The following TPTE2 variants were observed in gnomAD, a reference collection of about 807,000 sequenced individuals.
The protein encoded by TPTE2 is transmembrane phosphoinositide 3-phosphatase and tensin homolog 2.
TPTE2 carries 53 observed loss-of-function variants against 78.6 expected under a neutral mutation model. The observed-to-expected ratio is 0.67, with a 90% CI of 0.54 to 0.85. The LOEUF (loss-of-function observed/expected upper bound fraction) is 0.85. Among genes scored for constraint, TPTE2 ranks in the 40% least tolerant of loss-of-function variants. TPTE2 has a pLI of 0.00. For synonymous variants in TPTE2, 175 were observed against 206.2 expected (o/e 0.85, Z 1.30); for missense variants, 461 against 623.0 (o/e 0.74, Z 2.77).
In TPTE2 at chr13:19,430,543, A is replaced by G. The variant is rs146438555; in HGVS notation, c.1227T>C (p.Asp409=). The stretch of plus-strand genomic sequence containing the variant: ...CTACTTGGACTTTTAGATCACATAC[A>G]TCACCTGTTCCAACAAAATGAAATT... The change falls in exon 17 of 20, where the codon GAT becomes GAC. Residue 409 remains aspartate, a synonymous_variant. Coordinates refer to ENST00000400230, the Ensembl canonical transcript of TPTE2. 1.2e-4 allele frequency: 194 copies of G among 1,609,928 alleles called. 1 individual carries two copies. The highest frequency in any genetic ancestry group is 8.0e-5 in the African/African-American group (6 of 74,726).
At chr13:19,557,702 G>A in the TPTE2 span, among the ~76,000 whole-genome samples, 1 of 152,124 alleles carries the variant, frequency 6.6e-6, no homozygotes, top group South Asian at 2.1e-4. Flanking sequence ...ACATTCCTAA[G>A]CAGGATCCAG....
intron 10 of TPTE2, 131 bp downstream of exon 13, chr13:19,464,325 C>A: frequency 1.1e-6 from 1 of 948,196 alleles, no homozygotes; most frequent in Non-Finnish European, 1.6e-6. Flanking sequence ...TGGTATCAAT[C>A]CATTATGATT....
upstream of TPTE2, among the ~76,000 whole-genome samples, chr13:19,504,055 TTA>T (rs1868823011): frequency 6.6e-6 from 1 of 152,048 alleles, no homozygotes; most frequent in African/African-American, 2.4e-5. Context: ...ATTGATTTAT[TTA>T]TGTCTCACAG....
chr13:19,523,959 G>A (rs188006147), intron 1 of TPTE2, among the ~76,000 whole-genome samples: 278 of 152,214 alleles, frequency 1.8e-3, no homozygotes, highest in Middle Eastern at 3.4e-3. Context: ...GGCTGCCTGC[G>A]GTAGCAAATA....
At chr13:19,446,448 T>C (rs1036481599) in intron 13 of TPTE2, among the ~76,000 whole-genome samples, 1 of 152,170 alleles carries the variant, frequency 6.6e-6, no homozygotes, top group African/African-American at 2.4e-5. Flanking sequence ...GACAATTGGC[T>C]ATCTATATGA....
chr13:19,547,147 G>A, the TPTE2 span, among the ~76,000 whole-genome samples: 4 of 151,560 alleles, frequency 2.6e-5, no homozygotes, highest in African/African-American at 9.7e-5. Context: ...TATGGCAAAA[G>A]CATTCTCAAC....
chr13:19,497,044 C>A (rs375137082), intron 1 of TPTE2, among the ~76,000 whole-genome samples: 28 of 152,252 alleles, frequency 1.8e-4, no homozygotes, highest in African/African-American at 6.7e-4. Context: ...TGACAGACGG[C>A]ACCTGGAAAA....
intron 17 of TPTE2, among the ~76,000 whole-genome samples, chr13:19,429,207 C>T (rs1876370195): frequency 6.6e-6 from 1 of 152,184 alleles, no homozygotes; most frequent in Admixed American, 6.5e-5. Context: ...GGATTCTATA[C>T]ATTGCATTAT....
intron 1 of TPTE2, among the ~76,000 whole-genome samples, chr13:19,511,509 G>A (rs1869440547): frequency 6.6e-6 from 1 of 151,994 alleles, no homozygotes; most frequent in Non-Finnish European, 1.5e-5. Context: ...TATTAAAAAG[G>A]CCTACAAGTA....
At chr13:19,475,573 C>T in exon 5 of TPTE2, 2 of 1,607,474 alleles carry the variant, frequency 1.2e-6, no homozygotes, top group Non-Finnish European at 8.5e-7. Context: ...TCTCACATAC[C>T]CAAATGCAAA....
At chr13:19,538,585 G>A (rs538449260), upstream of TPTE2, among the ~76,000 whole-genome samples, 81 of 151,178 alleles carry the variant, frequency 5.4e-4, no homozygotes, top group Non-Finnish European at 9.1e-4. Flanking sequence ...ATGGAGTGCA[G>A]TGGCGCGATC....
At chr13:19,558,947 C>T in the TPTE2 span, among the ~76,000 whole-genome samples, 5 of 152,138 alleles carry the variant, frequency 3.3e-5, no homozygotes, top group African/African-American at 1.2e-4. Context: ...TTCTATTTAT[C>T]TGTGCATTAA....
At chr13:19,560,764 G>A in the TPTE2 span, 5 of 1,468,744 alleles carry the variant, frequency 3.4e-6, no homozygotes, top group South Asian at 2.4e-5. Flanking sequence ...GAAGGCGCCC[G>A]GGAAGGGCAG....
chr13:19,470,620 G>A (rs1879551626), intron 6 of TPTE2, among the ~76,000 whole-genome samples: 1 of 151,812 alleles, frequency 6.6e-6, no homozygotes, highest in Non-Finnish European at 1.5e-5. Context: ...CTGCCTCCCA[G>A]GTTCAAGTGA....
chr13:19,559,913 G>A, the TPTE2 span: 96 of 289,710 alleles, frequency 3.3e-4, no homozygotes, highest in East Asian at 6.3e-3. Context: ...CCTGCCAGCA[G>A]GCTGTGGCAC....
At chr13:19,472,227 C>T (rs375282493) in intron 6 of TPTE2, among the ~76,000 whole-genome samples, 27 of 152,190 alleles carry the variant, frequency 1.8e-4, no homozygotes, top group East Asian at 5.8e-4. Flanking sequence ...AGGTTTGGGA[C>T]GTTCTGTTAC....
chr13:19,485,033 G>A (rs1038255059), intron 3 of TPTE2, among the ~76,000 whole-genome samples: 18 of 152,108 alleles, frequency 1.2e-4, no homozygotes, highest in African/African-American at 4.1e-4. Flanking sequence ...TTTTCTGGTT[G>A]TTTTGTATAT....
the TPTE2 span, among the ~76,000 whole-genome samples, chr13:19,542,847 T>A: frequency 2.6e-5 from 4 of 151,560 alleles, no homozygotes; most frequent in Non-Finnish European, 5.9e-5. Flanking sequence ...AAACATTAGC[T>A]AGGCATGGTG....
chr13:19,444,652 T>C (rs886294658), intron 13 of TPTE2, among the ~76,000 whole-genome samples: 7 of 152,148 alleles, frequency 4.6e-5, no homozygotes, highest in Non-Finnish European at 8.8e-5. Context: ...TTCAATGCAA[T>C]TCCAAACAAA....
Sources: allele counts gnomAD v4.1 joint callset (sites outside exome capture counted in the v4.1 genomes callset), GRCh38; gene constraint gnomAD v4.1.1; transcripts MANE v1.5; gene names NCBI Gene and HGNC (gene_info 2026-07-23, HGNC 2026-07-21).